Variants in BICDL1 observed in about 807,000 individuals in gnomAD.
BICDL1 encodes the protein BICD family-like cargo adapter 1.
A neutral mutation model predicts 76.8 loss-of-function variants in BICDL1; 20 were observed. The observed-to-expected ratio is 0.26, with a 90% CI of 0.18 to 0.38. The LOEUF (loss-of-function observed/expected upper bound fraction) is 0.38. Among genes scored for constraint, BICDL1 ranks in the 10% least tolerant of loss-of-function variants. The pLI is 1.00. For missense variants in BICDL1, 700 were observed against 798.6 expected (o/e 0.88, Z 1.49); for synonymous variants, 383 against 337.1 (o/e 1.14, Z -1.49).
intron 2 of BICDL1, chr12:119,999,864 T>C (rs1036479546): frequency 1.7e-5 from 7 of 418,926 alleles, no homozygotes; most frequent in Admixed American, 3.0e-5. Flanking sequence ...TTCTCTGATA[T>C]CATCCCTCAG....
chr12:120,003,158 T>TAA lies in BICDL1; in HGVS notation c.645+4439_645+4440dup, dbSNP rs747568511. ...GGGCAACAGAGCAAGACCCCATCTTTAAAAAAAAAAAAAAAAAACAGTCGG... is the reference window on the plus strand; with the variant it reads ...GGGCAACAGAGCAAGACCCCATCTTTAAAAAAAAAAAAAAAAAAAACAGTCGG... On this transcript the variant is annotated intron_variant, in intron 2 of 9. Transcript: ENST00000548673. Among the ~76,000 whole-genome samples the TAA allele has an allele frequency of 3.8e-3, 518 of 136,626 alleles. 4 individuals are homozygous for TAA. The highest frequency in any genetic ancestry group is 0.015 in the Middle Eastern group (4 of 266). 89.6% of individuals were successfully genotyped at this position (136,626 alleles called of 152,430 possible).
At chr12:120,039,365 C>T (rs1045435758) in intron 2 of BICDL1, among the ~76,000 whole-genome samples, 1 of 149,312 alleles carries the variant, frequency 6.7e-6, no homozygotes, top group Non-Finnish European at 1.5e-5. Context: ...ATGGGCCGAG[C>T]GTGGTGGTTC....
At chr12:120,001,524 G>A (rs1039388036) in intron 2 of BICDL1, among the ~76,000 whole-genome samples, 1 of 152,186 alleles carries the variant, frequency 6.6e-6, no homozygotes, top group Non-Finnish European at 1.5e-5. Flanking sequence ...GGGATTACAG[G>A]CATGAGCCAC....
At chr12:120,021,283 CAAA>C (rs370578617) in intron 2 of BICDL1, among the ~76,000 whole-genome samples, 1 of 132,638 alleles carries the variant, frequency 7.5e-6, no homozygotes, top group Non-Finnish European at 1.6e-5. Context: ...GACTCCATCT[CAAA>C]AAAAAAAAGG....
intron 2 of BICDL1, among the ~76,000 whole-genome samples, chr12:120,039,581 T>C (rs1473190135): frequency 1.0e-4 from 13 of 130,136 alleles, no homozygotes; most frequent in Non-Finnish European, 2.0e-4. Context: ...GAAGTTGCAG[T>C]GAGCCAAGAT....
intron 2 of BICDL1, among the ~76,000 whole-genome samples, chr12:120,023,826 T>C (rs1313789469): frequency 2.0e-5 from 3 of 150,040 alleles, no homozygotes; most frequent in African/African-American, 4.9e-5. Context: ...TTCCCAGGTA[T>C]GCAAAGAGGC....
At chr12:120,089,323 C>T (rs921497610) in intron 8 of BICDL1, among the ~76,000 whole-genome samples, 6 of 146,376 alleles carry the variant, frequency 4.1e-5, no homozygotes, top group African/African-American at 1.6e-4. Context: ...CGGAGTTCTG[C>T]TCTTTCAACG....
intron 2 of BICDL1, among the ~76,000 whole-genome samples, chr12:120,030,273 C>G (rs967961370): frequency 1.3e-5 from 2 of 152,088 alleles, no homozygotes; most frequent in African/African-American, 4.8e-5. Flanking sequence ...AGCTATATAA[C>G]AAGTGGATTG....
At chr12:119,996,661 A>G (rs995228811) in intron 1 of BICDL1, among the ~76,000 whole-genome samples, 2 of 143,866 alleles carry the variant, frequency 1.4e-5, no homozygotes, top group Non-Finnish European at 3.0e-5. Flanking sequence ...TGTAGAACCC[A>G]GTATATATAC....
Position 120,093,484 on chromosome 12 carries a change from A to G in BICDL1, c.*323A>G, listed in dbSNP as rs12313413. The G allele has an allele frequency of 0.14, 45,199 of 325,212 alleles. 4,263 individuals carry two copies. Among genetic ancestry groups the G allele is most frequent in the East Asian group, 0.42 (5,507 of 13,094 alleles). The allele number at this position is 325,212 out of a possible 1,614,324, so 20.1% of individuals were successfully genotyped here. A position where few individuals can be genotyped will look rare whatever the true frequency, so the allele number is the denominator to read the frequency against. Reference sequence around the variant, plus strand: ...TGTTGGGCTTTGCAGCTCACACCCAACAGATCGCAGCCCACCCCCAGGCAC... The same window carrying G: ...TGTTGGGCTTTGCAGCTCACACCCAGCAGATCGCAGCCCACCCCCAGGCAC... On this transcript the variant is annotated 3_prime_UTR_variant, in exon 10 of 10. Transcript: ENST00000548673.
intron 2 of BICDL1, among the ~76,000 whole-genome samples, chr12:120,005,582 A>G (rs1436955280): frequency 6.6e-6 from 1 of 152,184 alleles, no homozygotes. Context: ...CCATGTTGGC[A>G]GGCTGGTCTC....
intron 2 of BICDL1, among the ~76,000 whole-genome samples, chr12:120,034,938 C>T (rs986101463): frequency 1.3e-5 from 2 of 152,190 alleles, no homozygotes; most frequent in Non-Finnish European, 2.9e-5. Context: ...GTCTTAGCTC[C>T]ACTTGCTGTG....
At chr12:120,076,668 C>T (rs74447257) in intron 7 of BICDL1, among the ~76,000 whole-genome samples, 6,480 of 152,192 alleles carry the variant, frequency 0.043, 360 homozygotes, top group African/African-American at 0.12. Flanking sequence ...ATGTCCCACG[C>T]GGGGTATAGA....
At chr12:119,997,088 G>A (rs77855245) in intron 1 of BICDL1, among the ~76,000 whole-genome samples, 8,415 of 151,890 alleles carry the variant, frequency 0.055, 465 homozygotes, top group African/African-American at 0.14. Context: ...AGCTGGGACT[G>A]CAGGCCCTCG....
chr12:119,989,933 G>A lies in BICDL1; in HGVS notation c.65G>A (p.Cys22Tyr), dbSNP rs575918655. Reference protein sequence around the residue: ...ASAPAEPDSACCMELPAAAGD... With the variant: ...ASAPAEPDSAYCMELPAAAGD... ...GCACCCGCCGAGCCGGACAGCGCCTGCTGCATGGAGCTGCCCGCCGCGGCC... is the reference window on the plus strand; with the variant it reads ...GCACCCGCCGAGCCGGACAGCGCCTACTGCATGGAGCTGCCCGCCGCGGCC... The change falls in exon 1 of 10, where the codon TGC (cysteine) becomes TAC (tyrosine). Residue 22 changes from cysteine to tyrosine, a missense_variant. By Grantham distance (194) the Cys-to-Tyr change is radical. Around this residue, in one of 3 missense-constraint regions of BICDL1, gnomAD observed 225 missense variants for 199.6 expected, o/e 1.13. Coordinates refer to ENST00000548673, the MANE Select transcript of BICDL1 (RefSeq NM_001367886.1). 647 of 1,462,886 alleles carry A rather than the reference G, an allele frequency of 4.4e-4. 1 individual carries two copies. In the African/African-American group the frequency reaches 8.4e-3, roughly 19 times the overall value. The allele number at this position is 1,462,886 out of a possible 1,614,324, so 90.6% of individuals were successfully genotyped here.
chr12:120,025,930 A>G (rs1168475726), intron 2 of BICDL1, among the ~76,000 whole-genome samples: 1 of 151,908 alleles, frequency 6.6e-6, no homozygotes, highest in Non-Finnish European at 1.5e-5. Flanking sequence ...CTCCACCTCC[A>G]GGGTTCAAGT....
At chr12:120,023,285 C>T (rs533791972) in intron 2 of BICDL1, among the ~76,000 whole-genome samples, 1 of 152,284 alleles carries the variant, frequency 6.6e-6, no homozygotes, top group East Asian at 1.9e-4. Context: ...ACTTTCAAAG[C>T]CTGTGGGCCA....
chr12:120,084,592 A>G (rs552636411), intron 8 of BICDL1, among the ~76,000 whole-genome samples: 1 of 152,162 alleles, frequency 6.6e-6, no homozygotes, highest in Non-Finnish European at 1.5e-5. Context: ...CTGACTTTAA[A>G]ATTCCTCATA....
intron 2 of BICDL1, among the ~76,000 whole-genome samples, chr12:120,026,395 G>C (rs2138737945): frequency 6.6e-6 from 1 of 152,230 alleles, no homozygotes; most frequent in East Asian, 1.9e-4. Flanking sequence ...CTTTCCTGTA[G>C]GCTTAAGTTT....
Sources: gnomAD v4.1 joint callset for allele counts (sites outside exome capture counted in the v4.1 genomes callset) on GRCh38, gnomAD v4.1.1 for gene constraint, gnomAD v4.1.1 regional missense constraint, MANE v1.5 for transcripts, NCBI Gene and HGNC (gene_info 2026-07-23, HGNC 2026-07-21) for gene names.